The following WDR7 variants were observed in gnomAD, a reference collection of about 807,000 sequenced individuals.
WDR7 encodes WD repeat domain 7, also known as WD repeat-containing protein 7.
Under a neutral mutation model 169.4 loss-of-function variants are expected in WDR7, and 46 were observed. The ratio of observed to expected loss-of-function variants is 0.27; its 90% CI spans 0.21 to 0.35. The LOEUF is 0.35. Among genes scored for constraint, WDR7 ranks in the 10% least tolerant of loss-of-function variants. WDR7 has a pLI of 1.00. For synonymous variants in WDR7, 612 were observed against 666.8 expected (o/e 0.92, Z 1.27); for missense variants, 1,534 against 1,859.3 (o/e 0.83, Z 3.22).
intron 26 of WDR7, among the ~76,000 whole-genome samples, chr18:56,974,256 C>T (rs893017932): frequency 2.0e-5 from 3 of 152,064 alleles, no homozygotes; most frequent in Non-Finnish European, 2.9e-5. Context: ...CCTATGTAAC[C>T]TGACTGCATT....
intron 22 of WDR7, among the ~76,000 whole-genome samples, chr18:56,932,588 G>A (rs1027004012): frequency 2.6e-5 from 4 of 152,146 alleles, no homozygotes; most frequent in South Asian, 4.1e-4. Flanking sequence ...TATGAGAAGC[G>A]TCTTTGGTCA....
At chr18:56,814,278 T>A (rs532118398) in intron 19 of WDR7, among the ~76,000 whole-genome samples, 2 of 147,112 alleles carry the variant, frequency 1.4e-5, no homozygotes, top group East Asian at 3.9e-4. Context: ...TGATTGTTAC[T>A]ATCCAAACTA....
chr18:56,662,508 C>G (rs2024925714), intron 1 of WDR7, among the ~76,000 whole-genome samples: 1 of 152,186 alleles, frequency 6.6e-6, no homozygotes, highest in Non-Finnish European at 1.5e-5. Context: ...TAGTCACCAT[C>G]TGAATCAAAT....
chr18:56,855,836 T>C (rs1286520045), intron 20 of WDR7, among the ~76,000 whole-genome samples: 1 of 152,220 alleles, frequency 6.6e-6, no homozygotes, highest in Non-Finnish European at 1.5e-5. Flanking sequence ...CATTACAGGC[T>C]ATGCTGGAAA....
chr18:56,776,653 C>A, intron 16 of WDR7, 129 bp from the exon 17 acceptor site: 1 of 731,566 alleles, frequency 1.4e-6, no homozygotes, highest in South Asian at 1.6e-5. Flanking sequence ...CTGATGAAAA[C>A]ATCGTTTCAG....
intron 26 of WDR7, among the ~76,000 whole-genome samples, chr18:57,017,043 C>T (rs994280946): frequency 6.6e-6 from 1 of 152,208 alleles, no homozygotes; most frequent in African/African-American, 2.4e-5. Context: ...CCCAAACCAT[C>T]CAATCCGCTC....
At chr18:56,664,798 G>C (rs2024981998) in intron 1 of WDR7, among the ~76,000 whole-genome samples, 1 of 152,186 alleles carries the variant, frequency 6.6e-6, no homozygotes, top group Admixed American at 6.5e-5. Flanking sequence ...CTGTACAAAT[G>C]AATGAGTGGT....
intron 20 of WDR7, among the ~76,000 whole-genome samples, chr18:56,825,134 G>A (rs2045175860): frequency 6.6e-6 from 1 of 152,178 alleles, no homozygotes; most frequent in Admixed American, 6.6e-5. Flanking sequence ...TGGTAACTGT[G>A]CCTCCTCGTT....
At chr18:56,696,202 C>A (rs779025795) in intron 11 of WDR7, 40 bp from the exon 12 acceptor site, 3 of 1,526,802 alleles carry the variant, frequency 2.0e-6, no homozygotes, top group South Asian at 2.4e-5. Flanking sequence ...CTTGGTAAAC[C>A]TTTAATTTTC....
intron 26 of WDR7, among the ~76,000 whole-genome samples, chr18:56,991,336 C>T (rs187441454): frequency 3.3e-5 from 5 of 152,042 alleles, no homozygotes; most frequent in East Asian, 3.9e-4. Context: ...TTGGTAGAGA[C>T]GGGTTTCACC....
intron 21 of WDR7, among the ~76,000 whole-genome samples, chr18:56,895,525 ATAAAT>A (rs2046321445): frequency 6.6e-6 from 1 of 151,784 alleles, no homozygotes; most frequent in Non-Finnish European, 1.5e-5. Flanking sequence ...TGTGGTTAAA[ATAAAT>A]TAAAATGATG....
intron 1 of WDR7, among the ~76,000 whole-genome samples, chr18:56,667,763 A>G (rs1307219837): frequency 6.6e-6 from 1 of 152,186 alleles, no homozygotes; most frequent in Non-Finnish European, 1.5e-5. Context: ...TGGTGTGTTG[A>G]AAATCAAGTC....
chr18:56,911,129 G>A (rs902811940), intron 21 of WDR7, among the ~76,000 whole-genome samples: 2 of 152,112 alleles, frequency 1.3e-5, no homozygotes, highest in Non-Finnish European at 2.9e-5. Flanking sequence ...GGGAACTACT[G>A]GCGAGTTCCC....
At chr18:56,792,125 T>A (rs1469399526) in intron 19 of WDR7, among the ~76,000 whole-genome samples, 1 of 152,098 alleles carries the variant, frequency 6.6e-6, no homozygotes, top group Admixed American at 6.5e-5. Flanking sequence ...TCAAGCAATC[T>A]TCCTGGCTCA....
At chr18:57,021,772 T>C (rs1473716111) in intron 27 of WDR7, among the ~76,000 whole-genome samples, 2 of 152,238 alleles carry the variant, frequency 1.3e-5, no homozygotes, top group Admixed American at 1.3e-4. Flanking sequence ...TTTATTTTCT[T>C]AGAATGCCAG....
At chr18:56,654,730 A>G (rs1261085051) in intron 1 of WDR7, among the ~76,000 whole-genome samples, 1 of 152,218 alleles carries the variant, frequency 6.6e-6, no homozygotes, top group Non-Finnish European at 1.5e-5. Flanking sequence ...GTTTTGTTTA[A>G]GAAATCTTTC....
chr18:56,757,446 C>A, intron 15 of WDR7, 94 bp downstream of exon 15: 1 of 1,264,664 alleles, frequency 7.9e-7, no homozygotes, highest in Non-Finnish European at 1.1e-6. Context: ...TGGCTCTACA[C>A]AATTTTATTA....
intron 20 of WDR7, among the ~76,000 whole-genome samples, chr18:56,839,333 A>G (rs2045445501): frequency 6.6e-6 from 1 of 152,168 alleles, no homozygotes; most frequent in African/African-American, 2.4e-5. Flanking sequence ...GTCAGCATAT[A>G]GTCAGTCTTG....
At chr18:56,988,792 G>A (rs2047766792) in intron 26 of WDR7, among the ~76,000 whole-genome samples, 1 of 152,016 alleles carries the variant, frequency 6.6e-6, no homozygotes, top group African/African-American at 2.4e-5. Flanking sequence ...TTGGATGTTT[G>A]GTTTAGGAAA....
Sources: allele counts gnomAD v4.1 joint callset (sites outside exome capture counted in the v4.1 genomes callset), GRCh38; gene constraint gnomAD v4.1.1; transcripts MANE v1.5; gene names NCBI Gene and HGNC (gene_info 2026-07-23, HGNC 2026-07-21).